The following NINL variants were observed in gnomAD, a reference collection of about 807,000 sequenced individuals.
NINL encodes the protein ninein like, also known as ninein-like protein.
A neutral mutation model predicts 160.3 loss-of-function variants in NINL; 153 were observed. The ratio of observed to expected loss-of-function variants is 0.95; its 90% CI spans 0.84 to 1.09. The LOEUF is 1.09. NINL is among the 50% of genes least tolerant of loss of function. The probability of loss-of-function intolerance (pLI) is 0.00; values close to 1 mark genes in which losing one functional copy is unlikely to be tolerated. For missense variants in NINL, 1,829 were observed against 1,764.0 expected (o/e 1.04, Z -0.66); for synonymous variants, 800 against 734.8 (o/e 1.09, Z -1.43).
In NINL at chr20:25,476,160, T is replaced by C; in HGVS notation, c.3131A>G (p.Glu1044Gly). The C allele has an allele frequency of 3.1e-6, 5 of 1,614,144 alleles. No homozygotes were observed. Among genetic ancestry groups the C allele is most frequent in the Non-Finnish European group, 2.5e-6 (3 of 1,180,030 alleles). ...CTCCAGCGCTATTTTGGTCTCCCCC[T>C]CTTCTGGGGCAGCAAGCTGCTCCTG... ...SWQEQLAAPE[E>G]GETKIALERE... Residue 1044 changes from glutamate to glycine, a missense_variant, in exon 17 of 24, where the codon GAG (glutamate) becomes GGG (glycine). Coordinates refer to ENST00000278886, the MANE Select transcript of NINL (RefSeq NM_025176.6).
intron 13 of NINL, 167 bp downstream of exon 13, chr20:25,489,075 CGA>C (rs1431123634): frequency 1.5e-6 from 1 of 660,230 alleles, no homozygotes; most frequent in African/African-American, 1.8e-5. Context: ...TAGGTGGCAA[CGA>C]GAGCCAGGGA....
rs947565302 is a variant in NINL at position 25,499,282 on chromosome 20, C to T, written c.1033-936G>A. The T allele has an allele frequency of 2.3e-5, 22 of 952,138 alleles. No homozygotes were observed. In the Admixed American group the frequency reaches 1.1e-3, roughly 48 times the overall value. 59.0% of individuals were successfully genotyped at this position (952,138 alleles called of 1,614,324 possible). A position where few individuals can be genotyped will look rare whatever the true frequency, so the allele number is the denominator to read the frequency against. ...CACTGGATGGCGTAGAGGGACAGAACCGCCACAGCAGCCTGAGGTCAGAAA... is the reference window on the plus strand; with the variant it reads ...CACTGGATGGCGTAGAGGGACAGAATCGCCACAGCAGCCTGAGGTCAGAAA... On this transcript the variant is annotated intron_variant, in intron 8 of 23. Transcript: ENST00000278886.
At chr20:25,548,933 C>G (rs2064773454) in intron 1 of NINL, among the ~76,000 whole-genome samples, 1 of 149,830 alleles carries the variant, frequency 6.7e-6, no homozygotes, top group Admixed American at 6.6e-5. Context: ...GGCCACACCT[C>G]CCACACCCAG....
intron 21 of NINL, chr20:25,458,771 T>C: frequency 2.0e-6 from 1 of 500,530 alleles, no homozygotes; most frequent in Non-Finnish European, 3.5e-6. Flanking sequence ...ACCCTCAAAA[T>C]GGTGACGCTG....
In NINL at chr20:25,491,507, G is replaced by C; in HGVS notation, c.1329C>G (p.Tyr443Ter). 1 of 1,613,808 alleles carries C rather than the reference G, an allele frequency of 6.2e-7. No individual in the cohort carries two copies. Among genetic ancestry groups the C allele is most frequent in the Non-Finnish European group, 8.5e-7 (1 of 1,179,862 alleles). The part of the protein sequence containing the change: ...EKKIKHLEQG[Y>*]RERLSLLRSE... Reference sequence around the variant, plus strand: ...ACCGCAGGAGGCTCAGCCTTTCCCGGTACCCCTGCTCCAGATGCCTGTAAC... The same window carrying C: ...ACCGCAGGAGGCTCAGCCTTTCCCGCTACCCCTGCTCCAGATGCCTGTAAC... Residue 443 changes from tyrosine (Y) to a stop codon, truncating the protein, a stop_gained, in exon 11 of 24, where the codon TAC becomes TAG. Transcript: ENST00000278886. LOFTEE classifies it high-confidence loss of function.
rs142224985 is a variant in NINL at position 25,489,836 on chromosome 20, C to A, written c.1596+39G>T. On this transcript the variant is annotated intron_variant, in intron 12 of 23. Transcript: ENST00000278886. ...GCCACCCCCACTCTGCCCAGCAGGC[C>A]CTCCCCTCTGGAGGCAGACTGTCAG... The A allele has an allele frequency of 4.4e-4, 692 of 1,582,694 alleles. 6 individuals carry two copies. In the African/African-American group the frequency reaches 4.4e-3, roughly 10 times the overall value.
intron 22 of NINL, among the ~76,000 whole-genome samples, chr20:25,458,079 T>C (rs2090736594): frequency 1.3e-5 from 2 of 152,146 alleles, no homozygotes; most frequent in East Asian, 3.9e-4. Context: ...CTGGTCCCTG[T>C]TCCCCTGGAA....
At chr20:25,560,667 TG>T (rs1377304465) in intron 1 of NINL, among the ~76,000 whole-genome samples, 1 of 152,068 alleles carries the variant, frequency 6.6e-6, no homozygotes. Flanking sequence ...CTGCTGGTTT[TG>T]GGGGGATCTC....
Position 25,535,328 on chromosome 20 carries a change from G to A in NINL, c.-11-8730C>T, listed in dbSNP as rs1186352748. 3.3e-5 allele frequency among the ~76,000 whole-genome samples: 5 copies of A among 152,128 alleles called. No homozygotes were observed. The East Asian group carries it at 9.6e-4, about 29-fold the overall frequency. On this transcript the variant is annotated intron_variant, in intron 1 of 23. Transcript: ENST00000278886. Reference sequence around the variant, plus strand: ...GGGTAAGACATGAATAAGTTCTGGCGATCTACTGTACAACGTGGTGACTAC... The same window carrying A: ...GGGTAAGACATGAATAAGTTCTGGCAATCTACTGTACAACGTGGTGACTAC...
chr20:25,459,071 A>G (rs2146301831), intron 21 of NINL: 1 of 152,980 alleles, frequency 6.5e-6, no homozygotes, highest in East Asian at 1.9e-4. Context: ...AGCCACTTTA[A>G]TGAAGCAGCT....
intron 1 of NINL, among the ~76,000 whole-genome samples, chr20:25,560,981 TCTCTCCCTC>T (rs1003748751): frequency 1.6e-5 from 2 of 126,766 alleles, no homozygotes; most frequent in Non-Finnish European, 3.6e-5. Flanking sequence ...TCTCCCTCTC[TCTCTCCCTC>T]CTCTCCCTCT....
rs2063274844 is a variant in NINL at position 25,477,063 on chromosome 20, C to T, written c.2228G>A (p.Gly743Glu). ...IRREAEAELS[G>E]ELSGLGALPA... ...CAGGGCTCCCAGCCCCGACAGCTCTCCACTCAGCTCCGCCTCAGCCTCTCT... is the reference window on the plus strand; with the variant it reads ...CAGGGCTCCCAGCCCCGACAGCTCTTCACTCAGCTCCGCCTCAGCCTCTCT... Residue 743 changes from glycine to glutamate, a missense_variant, in exon 17 of 24, where the codon GGA becomes GAA. Gly to Glu is a moderately conservative substitution (Grantham distance 98, BLOSUM62 -2). Transcript: ENST00000278886. 1 of 1,597,046 alleles carries T rather than the reference C, an allele frequency of 6.3e-7. No individual in the cohort carries two copies. The highest frequency in any genetic ancestry group is 1.7e-5 in the Admixed American group (1 of 59,820).
In NINL at chr20:25,478,840, G is replaced by T. The variant is rs750059352; in HGVS notation, c.2201+83C>A. The T allele has an allele frequency of 3.4e-6, 5 of 1,457,346 alleles. No individual in the cohort carries two copies. The Admixed American group carries it at 1.1e-4, about 33-fold the overall frequency. 90.3% of individuals were successfully genotyped at this position (1,457,346 alleles called of 1,614,324 possible). ...CCCAGTCGGGAGGCACAGCAATTCT[G>T]AGTTGTTTCCTAAGTCTAATTTCAA... On this transcript the variant is annotated intron_variant, in intron 16 of 23. Coordinates refer to ENST00000278886, the MANE Select transcript of NINL (RefSeq NM_025176.6).
At chr20:25,561,220 G>C (rs944106686) in intron 1 of NINL, among the ~76,000 whole-genome samples, 13 of 152,250 alleles carry the variant, frequency 8.5e-5, no homozygotes, top group African/African-American at 2.9e-4. Flanking sequence ...TATTTTTTTG[G>C]TGGAGAGGGG....
chr20:25,489,980 G>C lies in NINL; in HGVS notation c.1491C>G (p.Asn497Lys). 1 of 1,613,956 alleles carries C rather than the reference G, an allele frequency of 6.2e-7. No homozygotes were observed. The highest frequency in any genetic ancestry group is 8.5e-7 in the Non-Finnish European group (1 of 1,179,930). The change falls in exon 12 of 24, where the codon AAC becomes AAG. Residue 497 changes from asparagine (N) to lysine (K), a missense_variant. By Grantham distance (94) the Asn-to-Lys change is moderately conservative. Coordinates refer to ENST00000278886, the MANE Select transcript of NINL (RefSeq NM_025176.6). The stretch of plus-strand genomic sequence containing the variant: ...CCACAATCTCCTTCTGTAGGCGACT[G>C]TTTTCCTAGGAGACACAGGCCAGTG... ...REKLTLALKE[N>K]SRLQKEIVEV...
chr20:25,562,772 A>G (rs568444741), intron 1 of NINL, among the ~76,000 whole-genome samples: 1 of 145,358 alleles, frequency 6.9e-6, no homozygotes, highest in Admixed American at 6.9e-5. Flanking sequence ...AATGATCAAT[A>G]AAAAAAAAAA....
At chr20:25,520,056 T>TA (rs2064236050) in intron 2 of NINL, among the ~76,000 whole-genome samples, 1 of 141,438 alleles carries the variant, frequency 7.1e-6, no homozygotes, top group African/African-American at 2.6e-5. Context: ...AATGCAGAAT[T>TA]TAAAATTCAG....
chr20:25,526,184 A>C (rs2064354650), intron 2 of NINL, among the ~76,000 whole-genome samples: 1 of 152,238 alleles, frequency 6.6e-6, no homozygotes, highest in Non-Finnish European at 1.5e-5. Flanking sequence ...CTGGAAAAAC[A>C]AAACCAAACC....
intron 6 of NINL, among the ~76,000 whole-genome samples, chr20:25,504,624 T>C (rs1211385948): frequency 6.6e-6 from 1 of 152,058 alleles, no homozygotes; most frequent in African/African-American, 2.4e-5. Flanking sequence ...AGAGGAAGGA[T>C]GTCAGTGAAG....
Sources: gnomAD v4.1 joint callset for allele counts (sites outside exome capture counted in the v4.1 genomes callset) on GRCh38, gnomAD v4.1.1 for gene constraint, MANE v1.5 for transcripts, NCBI Gene and HGNC (gene_info 2026-07-23, HGNC 2026-07-21) for gene names.